The following FIP1L1 variants were observed in gnomAD, a reference collection of about 807,000 sequenced individuals.
FIP1L1 encodes the protein factor interacting with PAPOLA and CPSF1, also known as pre-mRNA 3'-end-processing factor FIP1.
In FIP1L1, 21 loss-of-function variants were observed where a neutral mutation model predicts 84.6. That is an observed-to-expected ratio of 0.25 (90% CI 0.18 to 0.36). The LOEUF (loss-of-function observed/expected upper bound fraction) is 0.36. FIP1L1 is among the 10% of genes least tolerant of loss of function. FIP1L1 has a pLI of 1.00. For missense variants in FIP1L1, 526 were observed against 751.1 expected (o/e 0.70, Z 3.50); for synonymous variants, 263 against 242.3 (o/e 1.09, Z -0.80).
In FIP1L1 at chr4:53,460,710, A is replaced by G; in HGVS notation, c.*1261A>G. On this transcript the variant is annotated 3_prime_UTR_variant, in exon 18 of 18. Coordinates refer to ENST00000337488, the MANE Select transcript of FIP1L1 (RefSeq NM_030917.4). ...AGTAATGAGAAATCCTCCACACTGA[A>G]AAAAAACTAGTAGTTTTAATTTTTT... 1.9e-6 allele frequency: 1 copy of G among 538,646 alleles called. No individual in the cohort carries two copies. Among genetic ancestry groups the G allele is most frequent in the Non-Finnish European group, 3.2e-6 (1 of 315,760 alleles). 33.4% of individuals were successfully genotyped at this position (538,646 alleles called of 1,614,324 possible).
intron 11 of FIP1L1, among the ~76,000 whole-genome samples, chr4:53,418,562 GA>G (rs1342412837): frequency 2.0e-5 from 3 of 152,170 alleles, no homozygotes; most frequent in Non-Finnish European, 2.9e-5. Context: ...GTGAGTGCAG[GA>G]AATTGAAACT....
chr4:53,429,583 G>A (rs1765691476), intron 13 of FIP1L1, among the ~76,000 whole-genome samples: 1 of 152,142 alleles, frequency 6.6e-6, no homozygotes, highest in South Asian at 2.1e-4. Context: ...ATTAATGTTT[G>A]TGGTACTCTG....
At chr4:53,380,629 G>A (rs1024275201) in intron 3 of FIP1L1, among the ~76,000 whole-genome samples, 2 of 152,166 alleles carry the variant, frequency 1.3e-5, no homozygotes, top group Admixed American at 6.5e-5. Context: ...CTTAGGAGGA[G>A]CTGAAACTAC....
At chr4:53,454,063 T>C (rs1417277939) in intron 16 of FIP1L1, among the ~76,000 whole-genome samples, 2 of 152,226 alleles carry the variant, frequency 1.3e-5, no homozygotes, top group Non-Finnish European at 2.9e-5. Flanking sequence ...ACTTATGTGT[T>C]AAGTTTTAAT....
rs759119551 is a variant in FIP1L1 at position 53,383,841 on chromosome 4, T to C, written c.297T>C (p.Thr99=). Residue 99 remains threonine (T), a synonymous_variant, in exon 5 of 18, where the codon ACT becomes ACC. Coordinates refer to ENST00000337488, the MANE Select transcript of FIP1L1 (RefSeq NM_030917.4). ...SDDDEDDVHV[T]IGDIKTGAPQ... ...ATGATGAAGATGATGTTCATGTCAC[T>C]ATAGGAGACATTAAAACGGGAGCAC... 7 of 1,612,914 alleles carry C rather than the reference T, an allele frequency of 4.3e-6. No individual in the cohort carries two copies. Among genetic ancestry groups the C allele is most frequent in the Admixed American group, 1.7e-5 (1 of 59,944 alleles).
At chr4:53,381,410 G>A (rs1319903613) in intron 3 of FIP1L1, among the ~76,000 whole-genome samples, 1 of 152,140 alleles carries the variant, frequency 6.6e-6, no homozygotes, top group Non-Finnish European at 1.5e-5. Context: ...GACTAAAGAA[G>A]GGATACTGTT....
At chr4:53,444,964 T>G (rs1361571461) in intron 15 of FIP1L1, among the ~76,000 whole-genome samples, 1 of 152,026 alleles carries the variant, frequency 6.6e-6, no homozygotes, top group Non-Finnish European at 1.5e-5. Flanking sequence ...TGACAGGAGT[T>G]AGAGGGTGTC....
At chr4:53,444,781 A>G (rs1773486875) in intron 15 of FIP1L1, among the ~76,000 whole-genome samples, 1 of 152,086 alleles carries the variant, frequency 6.6e-6, no homozygotes, top group African/African-American at 2.4e-5. Flanking sequence ...CATGTTGCCT[A>G]GGCTGGTCTT....
At chr4:53,409,814 C>T (rs1425070926) in intron 10 of FIP1L1, among the ~76,000 whole-genome samples, 1 of 152,244 alleles carries the variant, frequency 6.6e-6, no homozygotes, top group East Asian at 1.9e-4. Context: ...ATATAATCTC[C>T]TGGTGCGCCG....
intron 5 of FIP1L1, among the ~76,000 whole-genome samples, chr4:53,388,591 T>C (rs956248499): frequency 1.3e-5 from 2 of 152,190 alleles, no homozygotes; most frequent in African/African-American, 2.4e-5. Context: ...CGCCTCGGCC[T>C]CCCAAAGTGC....
intron 13 of FIP1L1, among the ~76,000 whole-genome samples, chr4:53,432,900 C>T (rs1767399676): frequency 6.6e-6 from 1 of 151,932 alleles, no homozygotes; most frequent in Admixed American, 6.6e-5. Flanking sequence ...AAGCATTTCT[C>T]TGATGTTGAA....
At position 53,460,495 on chromosome 4, in the gene FIP1L1, A is replaced by G. The variant is rs1300177091; in HGVS notation, c.*1046A>G. On this transcript the variant is annotated 3_prime_UTR_variant, in exon 18 of 18. Transcript: ENST00000337488. ...TATTTATTCTTGTTTGATGAAAGCA[A>G]CGTTTCTCAGCAATGCATTTTAAAA... 1 of 199,222 alleles carries G rather than the reference A, an allele frequency of 5.0e-6. No homozygotes were observed. Among genetic ancestry groups the G allele is most frequent in the East Asian group, 8.0e-5 (1 of 12,498 alleles). The allele number at this position is 199,222 out of a possible 1,614,324, so 12.3% of individuals were successfully genotyped here. A position where few individuals can be genotyped will look rare whatever the true frequency, so the allele number is the denominator to read the frequency against.
At chr4:53,430,687 G>A (rs1169937530) in intron 13 of FIP1L1, among the ~76,000 whole-genome samples, 6 of 152,064 alleles carry the variant, frequency 3.9e-5, no homozygotes, top group African/African-American at 1.4e-4. Context: ...TCTTTGAAGA[G>A]TGTTTAGGTT....
chr4:53,426,374 T>C (rs1286511776), intron 12 of FIP1L1, among the ~76,000 whole-genome samples: 1 of 152,186 alleles, frequency 6.6e-6, no homozygotes, highest in Non-Finnish European at 1.5e-5. Flanking sequence ...TAATTTATGA[T>C]AATCTTTTTT....
At chr4:53,383,950 C>T (rs549979745) in intron 5 of FIP1L1, 74 bp downstream of exon 5, 183 of 1,331,492 alleles carry the variant, frequency 1.4e-4, no homozygotes, top group Non-Finnish European at 1.8e-4. Context: ...ATCAAACTCT[C>T]AGTGGTTGAG....
At chr4:53,383,418 T>C (rs1310862782) in intron 4 of FIP1L1, among the ~76,000 whole-genome samples, 1 of 152,164 alleles carries the variant, frequency 6.6e-6, no homozygotes, top group Non-Finnish European at 1.5e-5. Flanking sequence ...TTCCAGCACT[T>C]TGGGAGGCCA....
At position 53,405,600 on chromosome 4, in the gene FIP1L1, G is replaced by A. The variant is rs1227037281; in HGVS notation, c.815+5761G>A. On this transcript the variant is annotated intron_variant, in intron 10 of 17. Coordinates refer to ENST00000337488, the MANE Select transcript of FIP1L1 (RefSeq NM_030917.4). ...TTGAATCTATAAATTACCTTGGGCA[G>A]TATGGCCATTTTCACGATATTGATT... 3.4e-5 allele frequency among the ~76,000 whole-genome samples: 5 copies of A among 147,384 alleles called. No homozygotes were observed. In the East Asian group the frequency reaches 6.0e-4, roughly 18 times the overall value.
rs888340616 is a variant in FIP1L1, at chr4:53,423,913, C to CT, written c.924-1954dup. Among the ~76,000 whole-genome samples the CT allele has an allele frequency of 7.2e-4, 110 of 152,236 alleles. 1 individual carries two copies. Among genetic ancestry groups the CT allele is most frequent in the Admixed American group, 6.6e-3 (101 of 15,288 alleles). The stretch of plus-strand genomic sequence containing the variant: ...GGTGAATACTTCCATGTGTCCCAGA[C>CT]TTTTTGAAAACTAGAGATCCTCAGA... On this transcript the variant is annotated intron_variant, in intron 11 of 17. Coordinates refer to ENST00000337488, the MANE Select transcript of FIP1L1 (RefSeq NM_030917.4).
At chr4:53,396,836 T>A (rs1422927852) in intron 9 of FIP1L1, among the ~76,000 whole-genome samples, 2 of 152,264 alleles carry the variant, frequency 1.3e-5, no homozygotes, top group Non-Finnish European at 2.9e-5. Context: ...TTAGTCTCTC[T>A]ATATAAATAA....
Sources: allele counts gnomAD v4.1 joint callset (sites outside exome capture counted in the v4.1 genomes callset), GRCh38; gene constraint gnomAD v4.1.1; transcripts MANE v1.5; gene names NCBI Gene and HGNC (gene_info 2026-07-23, HGNC 2026-07-21).